RASA3: variants seen among roughly 807,000 people sequenced by gnomAD.
RASA3 encodes ras GTPase-activating protein 3.
In RASA3, 73 loss-of-function variants were observed where a neutral mutation model predicts 110.0. That is an observed-to-expected ratio of 0.66 (90% CI 0.55 to 0.81). RASA3 has a LOEUF of 0.81. RASA3 is among the 30% of genes least tolerant of loss of function. The pLI is 0.00. For missense variants in RASA3, 976 were observed against 1,113.2 expected (o/e 0.88, Z 1.75); for synonymous variants, 500 against 451.4 (o/e 1.11, Z -1.37).
chr13:114,040,933 C>T (rs2054391659), intron 4 of RASA3, 67 bp downstream of exon 4: 11 of 1,466,538 alleles, frequency 7.5e-6, no homozygotes, highest in South Asian at 3.4e-5. Context: ...CAGTCGGAGC[C>T]GGGCCCGTCT....
chr13:114,005,405 G>T (rs1047261797), intron 18 of RASA3, among the ~76,000 whole-genome samples: 4 of 152,326 alleles, frequency 2.6e-5, no homozygotes, highest in Non-Finnish European at 4.4e-5. Context: ...ACCTCTGGGT[G>T]GAGGTTGAGG....
Position 114,011,163 on chromosome 13 carries a change from G to A in RASA3, c.1590+8C>T, listed in dbSNP as rs757576947. 13 of 1,600,556 alleles carry A rather than the reference G, an allele frequency of 8.1e-6. No homozygotes were observed. The highest frequency in any genetic ancestry group is 1.1e-5 in the South Asian group (1 of 90,194). ...CCTAAAAAGAGAAAATGAAGAAGAGGGACTCACAGATTTGGACTTGGACAG... is the reference window on the plus strand; with the variant it reads ...CCTAAAAAGAGAAAATGAAGAAGAGAGACTCACAGATTTGGACTTGGACAG... On this transcript the variant is annotated splice_region_variant and intron_variant, in intron 16 of 23. Coordinates refer to ENST00000334062, the MANE Select transcript of RASA3 (RefSeq NM_007368.4). The surrounding 1 kb of genome is among the most constrained non-coding windows in gnomAD (Gnocchi z 4.8).
intron 1 of RASA3, among the ~76,000 whole-genome samples, chr13:114,104,572 T>C (rs1417185748): frequency 6.6e-6 from 1 of 152,152 alleles, no homozygotes; most frequent in Non-Finnish European, 1.5e-5. Flanking sequence ...GAGCATCCGA[T>C]GCCCTCCTAG....
intron 1 of RASA3, among the ~76,000 whole-genome samples, chr13:114,100,212 G>A (rs375759845): frequency 2.6e-5 from 4 of 151,594 alleles, no homozygotes; most frequent in Non-Finnish European, 5.9e-5. Context: ...GCCCCGCCCC[G>A]GCCCGCGGTG....
At chr13:113,997,443 C>T (rs755859930) in intron 20 of RASA3, among the ~76,000 whole-genome samples, 18 of 151,386 alleles carry the variant, frequency 1.2e-4, no homozygotes, top group Non-Finnish European at 2.4e-4. Context: ...CTGTAGTCGG[C>T]GTTGACTCAA....
chr13:114,102,435 G>A (rs993509709), intron 1 of RASA3, among the ~76,000 whole-genome samples: 3 of 152,076 alleles, frequency 2.0e-5, no homozygotes, highest in African/African-American at 7.2e-5. Context: ...GAGTGAGAGC[G>A]CTTCCCACAA....
chr13:114,101,689 G>A (rs2080062339), intron 1 of RASA3, among the ~76,000 whole-genome samples: 1 of 152,344 alleles, frequency 6.6e-6, no homozygotes, highest in South Asian at 2.1e-4. Context: ...CCCGGAGTTG[G>A]AACTGGAAGC....
intron 3 of RASA3, among the ~76,000 whole-genome samples, chr13:114,043,690 G>A (rs1017707084): frequency 4.6e-5 from 7 of 152,058 alleles, no homozygotes; most frequent in African/African-American, 1.7e-4. Flanking sequence ...ACAGGCCCCA[G>A]CACATGTGGG....
At chr13:114,067,873 T>C (rs1286221535) in intron 2 of RASA3, among the ~76,000 whole-genome samples, 3 of 152,236 alleles carry the variant, frequency 2.0e-5, no homozygotes, top group Non-Finnish European at 4.4e-5. Flanking sequence ...TTCCTTGACT[T>C]GTAACTTCTA....
At chr13:113,980,011 ACCTCC>A (rs2052875402) in intron 23 of RASA3, among the ~76,000 whole-genome samples, 1 of 117,992 alleles carries the variant, frequency 8.5e-6, no homozygotes, top group African/African-American at 3.3e-5. Flanking sequence ...CCGTGTGTAC[ACCTCC>A]CACGTGTGCA....
At chr13:114,023,871 G>A (rs1010083153) in intron 8 of RASA3, among the ~76,000 whole-genome samples, 13 of 152,236 alleles carry the variant, frequency 8.5e-5, no homozygotes, top group Non-Finnish European at 4.4e-5. Flanking sequence ...CCACCCAGCC[G>A]AGAGTTTCAG....
At chr13:114,071,915 A>G (rs942016784) in intron 2 of RASA3, among the ~76,000 whole-genome samples, 1 of 152,218 alleles carries the variant, frequency 6.6e-6, no homozygotes, top group Non-Finnish European at 1.5e-5. Flanking sequence ...TTCTTTAGCT[A>G]AACATGTTCT....
intron 4 of RASA3, among the ~76,000 whole-genome samples, chr13:114,035,212 A>C (rs1403645906): frequency 6.6e-6 from 1 of 152,256 alleles, no homozygotes; most frequent in Non-Finnish European, 1.5e-5. Flanking sequence ...GAGATCAATA[A>C]AATTAATAAA....
At chr13:114,038,981 C>T (rs1410491858) in intron 4 of RASA3, among the ~76,000 whole-genome samples, 1 of 152,254 alleles carries the variant, frequency 6.6e-6, no homozygotes, top group Non-Finnish European at 1.5e-5. Flanking sequence ...ATCACAGCCA[C>T]CAATTTACGA....
chr13:114,047,663 G>A (rs1314435313), intron 3 of RASA3, among the ~76,000 whole-genome samples: 2 of 152,262 alleles, frequency 1.3e-5, no homozygotes, highest in African/African-American at 2.4e-5. Flanking sequence ...GAGGGTGGAT[G>A]AGGCGGCTGA....
At chr13:114,046,341 G>A (rs1013348838) in intron 3 of RASA3, among the ~76,000 whole-genome samples, 6 of 152,182 alleles carry the variant, frequency 3.9e-5, no homozygotes, top group Non-Finnish European at 4.4e-5. Flanking sequence ...TTATGGAGGC[G>A]GCAGTGGCAG....
At chr13:114,009,362 G>A (rs368935397) in intron 17 of RASA3, 25 bp downstream of exon 17, 41 of 1,573,842 alleles carry the variant, frequency 2.6e-5, no homozygotes, top group Middle Eastern at 3.3e-4. Flanking sequence ...GCACACGGGC[G>A]GTCGGAGGGT....
intron 2 of RASA3, among the ~76,000 whole-genome samples, chr13:114,064,515 G>A (rs1247173826): frequency 6.6e-6 from 1 of 152,154 alleles, no homozygotes; most frequent in Non-Finnish European, 1.5e-5. Context: ...GTCTCATGGT[G>A]GGGGCACCCA....
At position 114,057,579 on chromosome 13, in the gene RASA3, C is replaced by A; in HGVS notation, c.174-5424G>T. On this transcript the variant is annotated intron_variant, in intron 2 of 23. Transcript: ENST00000334062. This position sits in a 1 kb window ranked among gnomAD's most constrained non-coding sequence, Gnocchi z 5.0. ...GTGGAGGCCCCCACAGGAAGGAAACCTCTCCCCACAATGACTGTGCACAGA... is the reference window on the plus strand; with the variant it reads ...GTGGAGGCCCCCACAGGAAGGAAACATCTCCCCACAATGACTGTGCACAGA... 1.1e-6 allele frequency: 1 copy of A among 915,774 alleles called. No homozygotes were observed. The allele number at this position is 915,774 out of a possible 1,614,324, so 56.7% of individuals were successfully genotyped here.
Sources: allele counts gnomAD v4.1 joint callset (sites outside exome capture counted in the v4.1 genomes callset), GRCh38; gene constraint gnomAD v4.1.1; non-coding constraint Gnocchi (gnomAD v3.1); transcripts MANE v1.5; gene names NCBI Gene and HGNC (gene_info 2026-07-23, HGNC 2026-07-21).